Variants in TBL1XR1 observed in about 807,000 individuals in gnomAD.
TBL1XR1 encodes TBL1X/Y related 1.
A neutral mutation model predicts 66.9 loss-of-function variants in TBL1XR1; 5 were observed. The ratio of observed to expected loss-of-function variants is 0.07; its 90% confidence interval spans 0.04 to 0.16. The LOEUF (loss-of-function observed/expected upper bound fraction) is 0.16. Among genes scored for constraint, TBL1XR1 ranks in the 10% least tolerant of loss-of-function variants. The pLI, the probability that TBL1XR1 is intolerant of heterozygous loss-of-function variation, is 1.00. For synonymous variants in TBL1XR1, 210 were observed against 206.0 expected, an observed-to-expected ratio of 1.02 and a Z score of -0.17; for missense variants, 238 against 623.2, an observed-to-expected ratio of 0.38 and a Z score of 6.58.
intron 2 of TBL1XR1, among the ~76,000 whole-genome samples, chr3:177,076,308 C>CT (rs1295005106): frequency 1.3e-5 from 2 of 152,218 alleles, no homozygotes; most frequent in Non-Finnish European, 2.9e-5. Flanking sequence ...TAGAGCTTGG[C>CT]TTGTAGACAC....
chr3:177,172,745 G>C (rs1230933383), intron 1 of TBL1XR1, among the ~76,000 whole-genome samples: 1 of 151,624 alleles, frequency 6.6e-6, no homozygotes, highest in African/African-American at 2.4e-5. Context: ...CCAAGCCATA[G>C]TAAGTATTGC....
At chr3:177,192,398 C>CAAAAAAA (rs759331999) in intron 1 of TBL1XR1, among the ~76,000 whole-genome samples, 4 of 83,506 alleles carry the variant, frequency 4.8e-5, no homozygotes, top group Non-Finnish European at 1.1e-4. Flanking sequence ...GACTTTATCT[C>CAAAAAAA]AAAAAAAAAA....
At chr3:177,185,203 C>G (rs1426697076) in intron 1 of TBL1XR1, among the ~76,000 whole-genome samples, 1 of 152,202 alleles carries the variant, frequency 6.6e-6, no homozygotes, top group Non-Finnish European at 1.5e-5. Flanking sequence ...TCTTCCACAG[C>G]TTTCTAGAGT....
At chr3:177,142,399 G>T (rs1224667220) in intron 1 of TBL1XR1, among the ~76,000 whole-genome samples, 1 of 152,204 alleles carries the variant, frequency 6.6e-6, no homozygotes, top group South Asian at 2.1e-4. Flanking sequence ...GAAATTTCTA[G>T]AAGTGGGGTA....
intron 1 of TBL1XR1, among the ~76,000 whole-genome samples, chr3:177,114,369 T>C (rs561078266): frequency 3.2e-4 from 49 of 152,156 alleles, no homozygotes; most frequent in African/African-American, 1.1e-3. Flanking sequence ...AGCAGTGTTA[T>C]CATAGCTCAC....
intron 1 of TBL1XR1, among the ~76,000 whole-genome samples, chr3:177,155,805 T>C (rs2108869081): frequency 1.3e-5 from 2 of 151,892 alleles, no homozygotes; most frequent in African/African-American, 4.8e-5. Flanking sequence ...AGGTCAGGAG[T>C]TCGAGACCAG....
intron 14 of TBL1XR1, among the ~76,000 whole-genome samples, chr3:177,029,143 AG>A (rs1713578545): frequency 6.6e-6 from 1 of 152,012 alleles, no homozygotes; most frequent in Non-Finnish European, 1.5e-5. Context: ...GCTATCAAAA[AG>A]GAAAGATCTA....
At chr3:177,113,200 A>G (rs1337652089) in intron 1 of TBL1XR1, among the ~76,000 whole-genome samples, 1 of 150,986 alleles carries the variant, frequency 6.6e-6, no homozygotes, top group Admixed American at 6.7e-5. Flanking sequence ...ATCTTTCACC[A>G]TATACAAAAA....
chr3:177,092,894 A>G (rs1049823730), intron 2 of TBL1XR1, among the ~76,000 whole-genome samples: 1 of 152,174 alleles, frequency 6.6e-6, no homozygotes, highest in Admixed American at 6.5e-5. Flanking sequence ...AATGTCTACC[A>G]ACAGATGAAT....
intron 12 of TBL1XR1, among the ~76,000 whole-genome samples, chr3:177,035,413 A>ATTT (rs71798306): frequency 1.1e-4 from 15 of 130,798 alleles, no homozygotes; most frequent in Admixed American, 3.1e-4. Context: ...CCCTGCCCCA[A>ATTT]TTTTTTTTTT....
intron 1 of TBL1XR1, among the ~76,000 whole-genome samples, chr3:177,181,628 G>A (rs1273506763): frequency 6.6e-6 from 1 of 151,948 alleles, no homozygotes; most frequent in Non-Finnish European, 1.5e-5. Context: ...CTGGGCCACA[G>A]AATCACTTGT....
At chr3:177,073,710 A>T (rs1720333457) in intron 2 of TBL1XR1, among the ~76,000 whole-genome samples, 1 of 152,222 alleles carries the variant, frequency 6.6e-6, no homozygotes, top group Admixed American at 6.5e-5. Context: ...TACAGTGAAG[A>T]GTGGGCTTCA....
chr3:177,032,736 G>A (rs866024914), intron 14 of TBL1XR1: 38 of 329,618 alleles, frequency 1.2e-4, no homozygotes, highest in Middle Eastern at 8.3e-4. Context: ...CTGCAAAACC[G>A]TTGGAAAAAA....
chr3:177,086,740 T>TACA (rs1285203468), intron 2 of TBL1XR1, among the ~76,000 whole-genome samples: 2 of 151,878 alleles, frequency 1.3e-5, no homozygotes, highest in African/African-American at 4.8e-5. Context: ...TTGACCCTTG[T>TACA]ACAAAGCAGG....
intron 2 of TBL1XR1, among the ~76,000 whole-genome samples, chr3:177,082,776 G>C (rs115273385): frequency 0.28 from 9,560 of 34,748 alleles, 607 homozygotes; most frequent in Admixed American, 0.42. Flanking sequence ...ATGAATATGA[G>C]ACGGAGTCTT....
chr3:177,183,520 A>C (rs536248700), intron 1 of TBL1XR1, among the ~76,000 whole-genome samples: 4 of 152,132 alleles, frequency 2.6e-5, no homozygotes, highest in African/African-American at 9.6e-5. Flanking sequence ...GGAAAGCAAA[A>C]ATTTTTTTGA....
At chr3:177,115,718 T>C (rs1726227784) in intron 1 of TBL1XR1, among the ~76,000 whole-genome samples, 1 of 152,220 alleles carries the variant, frequency 6.6e-6, no homozygotes, top group Admixed American at 6.5e-5. Context: ...ATTTAAGCTT[T>C]TGATTTTTTT....
intron 1 of TBL1XR1, among the ~76,000 whole-genome samples, chr3:177,115,562 ATCTC>A (rs1173669671): frequency 1.3e-5 from 2 of 151,522 alleles, no homozygotes; most frequent in African/African-American, 4.9e-5. Context: ...TCTTCCCCAA[ATCTC>A]TCTATGCTGC....
chr3:177,104,331 G>C (rs1724607502), intron 1 of TBL1XR1, among the ~76,000 whole-genome samples: 1 of 151,980 alleles, frequency 6.6e-6, no homozygotes, highest in Non-Finnish European at 1.5e-5. Flanking sequence ...TTGTAAATCA[G>C]AGTTTCAACT....
Sources: gnomAD v4.1 joint callset for allele counts (sites outside exome capture counted in the v4.1 genomes callset) on GRCh38, gnomAD v4.1.1 for gene constraint, MANE v1.5 for transcripts, NCBI Gene and HGNC (gene_info 2026-07-23, HGNC 2026-07-21) for gene names.